The following ATP13A4 variants were observed in gnomAD, a reference collection of about 807,000 sequenced individuals.
ATP13A4 encodes the protein probable cation-transporting ATPase 13A4.
In ATP13A4, 114 loss-of-function variants were observed where a neutral mutation model predicts 142.5. The observed-to-expected ratio is 0.80, with a 90% confidence interval of 0.69 to 0.93. The LOEUF (loss-of-function observed/expected upper bound fraction) is 0.93, where lower values mean the gene tolerates loss of function less well. ATP13A4 is among the 40% of genes least tolerant of loss of function. The pLI is 0.00. For missense variants in ATP13A4, 1,392 were observed against 1,454.0 expected, an observed-to-expected ratio of 0.96 and a Z score of 0.69; for synonymous variants, 488 against 514.8, an observed-to-expected ratio of 0.95 and a Z score of 0.70.
At position 193,440,616 on chromosome 3, in the gene ATP13A4, A is replaced by C. The variant is rs777621506; in HGVS notation, c.2461T>G (p.Phe821Val). The C allele has an allele frequency of 6.2e-7, 1 of 1,614,096 alleles. No individual in the cohort carries two copies. The highest frequency in any genetic ancestry group is 1.7e-5 in the Admixed American group (1 of 60,026). ...TTCTGCCCAGGAGACATTCTTGCAA[A>C]GATGGTCCCATTGATCAATATCTGT... ...LPKILINGTI[F>V]ARMSPGQKSS... The change falls in exon 21 of 30, where the codon TTT becomes GTT. Residue 821 changes from phenylalanine to valine, a missense_variant. By Grantham distance (50) the Phe-to-Val change is conservative. Transcript: ENST00000342695.
chr3:193,466,647 C>T (rs936327624), intron 10 of ATP13A4, among the ~76,000 whole-genome samples: 1 of 152,210 alleles, frequency 6.6e-6, no homozygotes, highest in Non-Finnish European at 1.5e-5. Flanking sequence ...AGTTCTAGGT[C>T]CAGCTCTGTC....
intron 8 of ATP13A4, among the ~76,000 whole-genome samples, chr3:193,474,730 G>GAGAA (rs61168716): frequency 2.4e-4 from 35 of 147,136 alleles, no homozygotes; most frequent in African/African-American, 5.3e-4. Flanking sequence ...GAGAAAGAAA[G>GAGAA]AGAAAGAAAG....
intron 8 of ATP13A4, among the ~76,000 whole-genome samples, chr3:193,474,862 G>GA (rs543053381): frequency 6.6e-6 from 1 of 151,900 alleles, no homozygotes; most frequent in Admixed American, 6.5e-5. Flanking sequence ...AGAAGTTCTA[G>GA]AAAAAAAGTT....
Position 193,411,069 on chromosome 3 carries a change from A to G in ATP13A4, c.3210T>C (p.Tyr1070=). 6.3e-7 allele frequency: 1 copy of G among 1,597,352 alleles called. No individual in the cohort carries two copies. The highest frequency in any genetic ancestry group is 8.6e-7 in the Non-Finnish European group (1 of 1,164,970). Residue 1070 remains tyrosine, a splice_region_variant and synonymous_variant, in exon 28 of 30, where the codon TAT becomes TAC. Transcript: ENST00000342695. Reference sequence around the variant, plus strand: ...GTATTATCAGCACAAGGACAAATATATCTGAGGAAATAAGAACACAAGGTA... The same window carrying G: ...GTATTATCAGCACAAGGACAAATATGTCTGAGGAAATAAGAACACAAGGTA... ...KPFRQPTYTN[Y]IFVLVLIIQL... is the part of the protein sequence containing the mutation.
chr3:193,410,911 G>T, intron 28 of ATP13A4, 71 bp downstream of exon 28: 1 of 993,612 alleles, frequency 1.0e-6, no homozygotes, highest in Non-Finnish European at 1.6e-6. Context: ...AATTGAAATT[G>T]TGATCTGCTT....
chr3:193,431,981 G>T (rs1027809020), intron 25 of ATP13A4, among the ~76,000 whole-genome samples: 1 of 151,918 alleles, frequency 6.6e-6, no homozygotes, highest in African/African-American at 2.4e-5. Context: ...GAGAAAGTGG[G>T]TATACATAAC....
intron 23 of ATP13A4, 127 bp downstream of exon 23, chr3:193,438,348 A>G (rs972209859): frequency 3.8e-5 from 29 of 770,752 alleles, no homozygotes; most frequent in Non-Finnish European, 5.7e-5. Context: ...GCTTGACTGC[A>G]TTCTTCCACA....
At chr3:193,540,442 C>T (rs982277944) in intron 1 of ATP13A4, among the ~76,000 whole-genome samples, 2 of 147,554 alleles carry the variant, frequency 1.4e-5, no homozygotes, top group Non-Finnish European at 3.0e-5. Flanking sequence ...ATCTTTACTC[C>T]TGACAGGAGT....
At chr3:193,481,107 A>C (rs149980537) in intron 8 of ATP13A4, among the ~76,000 whole-genome samples, 1 of 152,344 alleles carries the variant, frequency 6.6e-6, no homozygotes, top group East Asian at 1.9e-4. Context: ...GACACAATGC[A>C]CTTTGGAGAT....
intron 2 of ATP13A4, among the ~76,000 whole-genome samples, chr3:193,578,188 G>A (rs987600427): frequency 3.3e-5 from 5 of 152,082 alleles, no homozygotes; most frequent in African/African-American, 9.7e-5. Context: ...AACTACTCGG[G>A]AGGCTGAGGC....
chr3:193,472,712 C>T (rs1045629342), intron 8 of ATP13A4, among the ~76,000 whole-genome samples: 2 of 152,122 alleles, frequency 1.3e-5, no homozygotes, highest in African/African-American at 2.4e-5. Flanking sequence ...GGAACAGAAA[C>T]GTGTTCCAAA....
chr3:193,515,831 G>A (rs1057052573), intron 1 of ATP13A4, among the ~76,000 whole-genome samples: 4 of 152,174 alleles, frequency 2.6e-5, no homozygotes, highest in Non-Finnish European at 4.4e-5. Flanking sequence ...AAATTGAGAG[G>A]TAGTAGAGTG....
chr3:193,494,281 C>T (rs371856606), intron 3 of ATP13A4, among the ~76,000 whole-genome samples: 2 of 151,988 alleles, frequency 1.3e-5, no homozygotes, highest in African/African-American at 4.8e-5. Context: ...CCAAATGGAC[C>T]TAATAGACAC....
chr3:193,450,233 C>T (rs747193804), intron 17 of ATP13A4, among the ~76,000 whole-genome samples: 3 of 152,142 alleles, frequency 2.0e-5, no homozygotes, highest in Non-Finnish European at 4.4e-5. Flanking sequence ...TCTGCTTTGT[C>T]ACACTGTCTC....
intron 8 of ATP13A4, among the ~76,000 whole-genome samples, chr3:193,475,121 T>C (rs1181777046): frequency 6.6e-6 from 1 of 152,134 alleles, no homozygotes; most frequent in African/African-American, 2.4e-5. Flanking sequence ...TAAGCACTTA[T>C]TTCTTAACCT....
At chr3:193,440,451 C>G (rs1007731485) in intron 21 of ATP13A4, 107 bp downstream of exon 21, 1 of 1,568,162 alleles carries the variant, frequency 6.4e-7, no homozygotes, top group Non-Finnish European at 8.7e-7. Context: ...AGCCGAAGTA[C>G]GGACCACTGC....
In ATP13A4 at chr3:193,502,475, A is replaced by G; in HGVS notation, c.381+18T>C. The stretch of plus-strand genomic sequence containing the variant: ...ATTAAATCTCTCTGACATCAGCAGT[A>G]GCCATAAGTTTACTTACCTTTAGGT... On this transcript the variant is annotated intron_variant, in intron 3 of 29. Coordinates refer to ENST00000342695, the MANE Select transcript of ATP13A4 (RefSeq NM_032279.4). The G allele has an allele frequency of 1.9e-6, 3 of 1,611,892 alleles. No homozygotes were observed. Among genetic ancestry groups the G allele is most frequent in the Non-Finnish European group, 2.5e-6 (3 of 1,178,014 alleles).
rs1314538885 is a variant in ATP13A4, at chr3:193,412,205, G to A, written c.3181C>T (p.Pro1061Ser). The change falls in exon 27 of 30, where the codon CCA (proline) becomes TCA (serine). Residue 1061 changes from proline (P) to serine (S), a missense_variant. Physicochemically the swap from Pro to Ser is moderately conservative, Grantham distance 74. Coordinates refer to ENST00000342695, the MANE Select transcript of ATP13A4 (RefSeq NM_032279.4). Reference sequence around the variant, plus strand: ...TTTGTATAAGTTGGCTGTCTAAATGGTTTTCCTTTAGAGAACACAAGAGCC... The same window carrying A: ...TTTGTATAAGTTGGCTGTCTAAATGATTTTCCTTTAGAGAACACAAGAGCC... ...TVALVFSKGK[P>S]FRQPTYTNYI... The A allele has an allele frequency of 6.2e-7, 1 of 1,611,790 alleles. No individual in the cohort carries two copies. Among genetic ancestry groups the A allele is most frequent in the East Asian group, 2.2e-5 (1 of 44,850 alleles).
intron 1 of ATP13A4, among the ~76,000 whole-genome samples, chr3:193,525,462 A>G (rs2108695382): frequency 6.6e-6 from 1 of 152,270 alleles, no homozygotes; most frequent in African/African-American, 2.4e-5. Context: ...ATCATTTGCC[A>G]CTAACTACAG....
Sources: gnomAD v4.1 joint callset for allele counts (sites outside exome capture counted in the v4.1 genomes callset) on GRCh38, gnomAD v4.1.1 for gene constraint, MANE v1.5 for transcripts, NCBI Gene and HGNC (gene_info 2026-07-23, HGNC 2026-07-21) for gene names.